The following NIPAL2 variants were observed in gnomAD, a reference collection of about 807,000 sequenced individuals.
NIPAL2 encodes the protein NIPA like domain containing 2, also known as NIPA-like protein 2.
NIPAL2 carries 43 observed loss-of-function variants against 48.9 expected under a neutral mutation model. That is an observed-to-expected ratio of 0.88 (90% confidence interval 0.69 to 1.13). The LOEUF (loss-of-function observed/expected upper bound fraction) is 1.13, where lower values mean the gene tolerates loss of function less well. Ranked by LOEUF, NIPAL2 falls within the 50% of genes most tolerant of loss-of-function variation. The probability of loss-of-function intolerance (pLI) is 0.00; values close to 1 mark genes in which losing one functional copy is unlikely to be tolerated. For missense variants in NIPAL2, 446 were observed against 461.4 expected (o/e 0.97, Z 0.31); for synonymous variants, 167 against 174.6 (o/e 0.96, Z 0.34).
At chr8:98,222,417 T>C in intron 5 of NIPAL2, 62 bp downstream of exon 5, 1 of 1,524,490 alleles carries the variant, frequency 6.6e-7, no homozygotes, top group Non-Finnish European at 8.9e-7. Context: ...CTCTAATATC[T>C]GCATGGACCA....
chr8:98,234,662 C>T (rs1812615143), intron 4 of NIPAL2, among the ~76,000 whole-genome samples: 1 of 151,824 alleles, frequency 6.6e-6, no homozygotes, highest in South Asian at 2.1e-4. Context: ...ATCCTCCTGC[C>T]TCAGCCTCCC....
chr8:98,260,303 G>A lies in NIPAL2; in HGVS notation c.136-6216C>T, dbSNP rs188521019. On this transcript the variant is annotated intron_variant, in intron 1 of 10. Coordinates refer to ENST00000430223, the MANE Select transcript of NIPAL2 (RefSeq NM_001321635.2). ...AAGATGGCCGAATAGGAACAGCTCC[G>A]GTCTACAGCTCCCAGTGTGAGCGAC... 6.2e-4 allele frequency among the ~76,000 whole-genome samples: 94 copies of A among 152,270 alleles called. 1 individual carries two copies. The highest frequency in any genetic ancestry group is 8.8e-4 in the Non-Finnish European group (60 of 68,016).
At chr8:98,197,062 G>A (rs566735239) in intron 8 of NIPAL2, among the ~76,000 whole-genome samples, 1 of 150,506 alleles carries the variant, frequency 6.6e-6, no homozygotes, top group Non-Finnish European at 1.5e-5. Flanking sequence ...ATTTCAAGTT[G>A]GTTCTACATC....
At chr8:98,203,286 C>CTACA in intron 7 of NIPAL2, 90 bp from the exon 8 acceptor site, 2 of 915,824 alleles carry the variant, frequency 2.2e-6, no homozygotes, top group Non-Finnish European at 3.6e-6. Context: ...TGTTCTTTAG[C>CTACA]TACAACTACA....
At chr8:98,233,221 A>G (rs1310325561) in intron 4 of NIPAL2, among the ~76,000 whole-genome samples, 1 of 151,922 alleles carries the variant, frequency 6.6e-6, no homozygotes, top group Non-Finnish European at 1.5e-5. Context: ...TCACGCTACT[A>G]CACTCCAGCC....
chr8:98,238,300 CATA>C (rs1812818279), intron 3 of NIPAL2, among the ~76,000 whole-genome samples: 1 of 152,144 alleles, frequency 6.6e-6, no homozygotes, highest in Admixed American at 6.5e-5. Context: ...GAAAAGTTAT[CATA>C]AAATAATATC....
chr8:98,262,199 A>G (rs1225702473), intron 1 of NIPAL2, among the ~76,000 whole-genome samples: 2 of 151,450 alleles, frequency 1.3e-5, no homozygotes, highest in East Asian at 1.9e-4. Flanking sequence ...GACCATCAAG[A>G]CTAGGAAGAA....
rs763995160 is a variant in NIPAL2, at chr8:98,192,931, A to T, written c.*47T>A. 2 of 1,193,124 alleles carry T rather than the reference A, an allele frequency of 1.7e-6. No individual in the cohort carries two copies. The highest frequency in any genetic ancestry group is 2.5e-6 in the Non-Finnish European group (2 of 800,778). 73.9% of individuals were successfully genotyped at this position (1,193,124 alleles called of 1,614,324 possible). On this transcript the variant is annotated 3_prime_UTR_variant, in exon 11 of 11. Coordinates refer to ENST00000430223, the MANE Select transcript of NIPAL2 (RefSeq NM_001321635.2). ...ACAAATTGAACATGTGCAATTTTTT[A>T]AAAAGGTGGTATCGAATAACAGGCC...
intron 1 of NIPAL2, among the ~76,000 whole-genome samples, chr8:98,287,688 T>G (rs1307262939): frequency 1.3e-5 from 2 of 152,234 alleles, no homozygotes; most frequent in Non-Finnish European, 2.9e-5. Context: ...TATCTTATTT[T>G]GTGCCTACAA....
At chr8:98,255,476 A>AT (rs1211184801) in intron 1 of NIPAL2, among the ~76,000 whole-genome samples, 21 of 152,328 alleles carry the variant, frequency 1.4e-4, no homozygotes, top group Admixed American at 7.2e-4. Context: ...ATTATATGTG[A>AT]TTTTTGTAGC....
In NIPAL2 at chr8:98,203,997, G is replaced by A. The variant is rs997401006; in HGVS notation, c.792-801C>T. On this transcript the variant is annotated intron_variant, in intron 7 of 10. Transcript: ENST00000430223. ...GTACATATGTATGTACAAAAACCAGGTCATTTTAATGGGCAACCAGGGCTG... is the reference window on the plus strand; with the variant it reads ...GTACATATGTATGTACAAAAACCAGATCATTTTAATGGGCAACCAGGGCTG... Among the ~76,000 whole-genome samples, 67 of 151,706 alleles carry A rather than the reference G, an allele frequency of 4.4e-4. 2 individuals are homozygous for A. The highest frequency in any genetic ancestry group is 4.4e-3 in the Admixed American group (67 of 15,236).
chr8:98,273,564 A>G (rs1188531303), intron 1 of NIPAL2, among the ~76,000 whole-genome samples: 1 of 152,190 alleles, frequency 6.6e-6, no homozygotes, highest in Non-Finnish European at 1.5e-5. Flanking sequence ...AATACTTTAA[A>G]AAACACTATA....
chr8:98,197,021 G>T (rs1455906427), intron 8 of NIPAL2, among the ~76,000 whole-genome samples: 1 of 150,800 alleles, frequency 6.6e-6, no homozygotes, highest in African/African-American at 2.4e-5. Context: ...TATTTTAAAC[G>T]ATATACCATA....
intron 1 of NIPAL2, among the ~76,000 whole-genome samples, chr8:98,288,314 G>C (rs1243184882): frequency 2.0e-5 from 3 of 149,180 alleles, no homozygotes; most frequent in Admixed American, 6.7e-5. Context: ...TCTTGCGATA[G>C]TTTACTGAGA....
At position 98,254,002 on chromosome 8, in the gene NIPAL2, A is replaced by G. The variant is rs1813739693; in HGVS notation, c.204+17T>C. 3 of 1,579,160 alleles carry G rather than the reference A, an allele frequency of 1.9e-6. No homozygotes were observed. ...TGGATCAATCTATAGTGTTAGAAAAATAAGCTTTTTTCTTACCTGAATATT... is the reference window on the plus strand; with the variant it reads ...TGGATCAATCTATAGTGTTAGAAAAGTAAGCTTTTTTCTTACCTGAATATT... On this transcript the variant is annotated intron_variant, in intron 2 of 10. Coordinates refer to ENST00000430223, the MANE Select transcript of NIPAL2 (RefSeq NM_001321635.2).
chr8:98,210,042 T>C (rs1459470177), intron 6 of NIPAL2, among the ~76,000 whole-genome samples: 2 of 152,100 alleles, frequency 1.3e-5, no homozygotes, highest in East Asian at 3.8e-4. Context: ...GGTTTTTCTT[T>C]TTTTCTGATG....
rs1349431302 is a variant in NIPAL2, at chr8:98,223,745, T to A, written c.437-1145A>T. 2.0e-5 allele frequency among the ~76,000 whole-genome samples: 3 copies of A among 152,248 alleles called. No individual in the cohort carries two copies. In the East Asian group the frequency reaches 5.8e-4, roughly 29 times the overall value. On this transcript the variant is annotated intron_variant, in intron 4 of 10. Transcript: ENST00000430223. ...CGTAGAGCTACAAGGAAGTTTCCTA[T>A]AATGTAACAATTTATTCTGTAATAC...
At chr8:98,268,995 C>T (rs146720070) in intron 1 of NIPAL2, among the ~76,000 whole-genome samples, 360 of 152,258 alleles carry the variant, frequency 2.4e-3, no homozygotes, top group African/African-American at 8.3e-3. Context: ...TTAAGAAACC[C>T]CTTTCTTTGC....
Position 98,294,213 on chromosome 8 carries a change from C to A in NIPAL2, c.-76G>T, listed in dbSNP as rs918466238. 1.7e-6 allele frequency: 2 copies of A among 1,206,190 alleles called. No homozygotes were observed. The highest frequency in any genetic ancestry group is 4.5e-5 in the Admixed American group (1 of 22,292). 74.7% of individuals were successfully genotyped at this position (1,206,190 alleles called of 1,614,324 possible). A position where few individuals can be genotyped will look rare whatever the true frequency, so the allele number is the denominator to read the frequency against. Reference sequence around the variant, plus strand: ...CCGCCCTGTTGCACCGCGAGGAGGCCGCGCCGCAGCCACTTCCTGCTCGGT... The same window carrying A: ...CCGCCCTGTTGCACCGCGAGGAGGCAGCGCCGCAGCCACTTCCTGCTCGGT... On this transcript the variant is annotated 5_prime_UTR_variant, in exon 1 of 11. Coordinates refer to ENST00000430223, the MANE Select transcript of NIPAL2 (RefSeq NM_001321635.2).
Sources: allele counts gnomAD v4.1 joint callset (sites outside exome capture counted in the v4.1 genomes callset), GRCh38; gene constraint gnomAD v4.1.1; transcripts MANE v1.5; gene names NCBI Gene and HGNC (gene_info 2026-07-23, HGNC 2026-07-21).